Variants in USF2 observed in about 807,000 individuals in gnomAD.
USF2 encodes upstream stimulatory factor 2.
A neutral mutation model predicts 46.9 loss-of-function variants in USF2; 16 were observed. That is an observed-to-expected ratio of 0.34 (90% CI 0.23 to 0.52). USF2 has a LOEUF of 0.52. USF2 is among the 20% of genes least tolerant of loss of function. The probability of loss-of-function intolerance (pLI) is 0.96; values close to 1 mark genes in which losing one functional copy is unlikely to be tolerated. For missense variants in USF2, 411 were observed against 474.0 expected, an observed-to-expected ratio of 0.87 and a Z score of 1.23; for synonymous variants, 239 against 194.1, an observed-to-expected ratio of 1.23 and a Z score of -1.92.
intron 7 of USF2, among the ~76,000 whole-genome samples, chr19:35,276,372 T>C (rs1178560407): frequency 1.3e-5 from 2 of 152,190 alleles, no homozygotes; most frequent in Non-Finnish European, 2.9e-5. Context: ...TTCTGAATTT[T>C]AAGTTTCCTA....
At position 35,271,150 on chromosome 19, in the gene USF2, A is replaced by C. The variant is rs747821959; in HGVS notation, c.727+9A>C. ...AGCCCAGCACAACGAAGGTGAGGAC[A>C]AGGTGTGGCTCCGGGTCCCCCTGAC... On this transcript the variant is annotated intron_variant, in intron 7 of 9. Transcript: ENST00000222305. The C allele has an allele frequency of 1.9e-6, 3 of 1,613,808 alleles. No individual in the cohort carries two copies. Among genetic ancestry groups the C allele is most frequent in the Non-Finnish European group, 2.5e-6 (3 of 1,179,982 alleles).
At chr19:35,270,338 C>T (rs2145569245) in intron 4 of USF2, 109 bp from the exon 5 acceptor site, 1 of 1,446,146 alleles carries the variant, frequency 6.9e-7, no homozygotes, top group Non-Finnish European at 9.4e-7. Context: ...GAAGGAGTCC[C>T]CACTCCTGTT....
chr19:35,271,012 A>C, intron 6 of USF2, 71 bp from the exon 7 acceptor site: 1 of 1,584,448 alleles, frequency 6.3e-7, no homozygotes, highest in Non-Finnish European at 8.6e-7. Flanking sequence ...TTCAAATCTA[A>C]TACTTAGCAG....
intron 7 of USF2, chr19:35,275,361 T>C (rs1001293409): frequency 1.3e-5 from 2 of 152,032 alleles, no homozygotes; most frequent in Non-Finnish European, 2.9e-5. Context: ...CTACTCACTT[T>C]GGATTCAATT....
At chr19:35,278,890 G>A in intron 8 of USF2, 56 bp from the exon 9 acceptor site, 1 of 1,585,358 alleles carries the variant, frequency 6.3e-7, no homozygotes, top group Admixed American at 1.7e-5. Context: ...TCATCCCTGG[G>A]GTGGAGGCCG....
At position 35,270,724 on chromosome 19, in the gene USF2, T is replaced by A. The variant is rs746745001; in HGVS notation, c.587T>A (p.Phe196Tyr). 1.2e-6 allele frequency: 2 copies of A among 1,614,040 alleles called. No individual in the cohort carries two copies. The highest frequency in any genetic ancestry group is 1.7e-6 in the Non-Finnish European group (2 of 1,179,986). Residue 196 changes from phenylalanine (F) to tyrosine (Y), a missense_variant, in exon 6 of 10, where the codon TTC (phenylalanine) becomes TAC (tyrosine). Physicochemically the swap from Phe to Tyr is conservative, Grantham distance 22. Around this residue, in one of 2 missense-constraint regions of USF2, gnomAD observed 318 missense variants for 322.4 expected, o/e 0.99. Transcript: ENST00000222305. ...TDQSLQAGGQ[F>Y]YVMMTPQDVL... ...CCCCCCACTCTCCCTGCAGGCCAGT[T>A]CTACGTCATGATGACGCCCCAGGAT...
chr19:35,270,049 G>A (rs2066127108), intron 4 of USF2, 46 bp downstream of exon 4: 1 of 1,351,066 alleles, frequency 7.4e-7, no homozygotes, highest in Non-Finnish European at 9.5e-7. Context: ...GGAGTGGAGA[G>A]GGGACACTGG....
intron 7 of USF2, chr19:35,275,394 T>C (rs551304297): frequency 6.6e-6 from 1 of 151,244 alleles, no homozygotes. Flanking sequence ...TGCTTTAGCT[T>C]CCCTGGCACA....
intron 7 of USF2, among the ~76,000 whole-genome samples, chr19:35,274,695 A>G (rs1197841449): frequency 1.3e-5 from 2 of 152,218 alleles, no homozygotes; most frequent in East Asian, 1.9e-4. Context: ...AGTCCCAGCT[A>G]CTTGGGAACC....
At position 35,279,507 on chromosome 19, in the gene USF2, C is replaced by G. The variant is rs1043400711; in HGVS notation, c.*251C>G. 1.5e-5 allele frequency: 7 copies of G among 471,282 alleles called. No individual in the cohort carries two copies. Among genetic ancestry groups the G allele is most frequent in the Non-Finnish European group, 2.6e-5 (7 of 270,764 alleles). 29.2% of individuals were successfully genotyped at this position (471,282 alleles called of 1,614,324 possible). On this transcript the variant is annotated 3_prime_UTR_variant, in exon 10 of 10. Coordinates refer to ENST00000222305, the MANE Select transcript of USF2 (RefSeq NM_003367.4). ...CCTTCTCCCGGCCCTCACTAAGCCC[C>G]GGCACTTCTAGTGGTCTCACCTGGA...
At chr19:35,273,798 C>T (rs10421504) in intron 7 of USF2, among the ~76,000 whole-genome samples, 2 of 152,018 alleles carry the variant, frequency 1.3e-5, no homozygotes, top group Non-Finnish European at 2.9e-5. Context: ...TCAGGCAGTC[C>T]TCCGGCCTCG....
chr19:35,269,503 G>T lies in USF2; in HGVS notation c.109+11G>T. 1 of 1,544,036 alleles carries T rather than the reference G, an allele frequency of 6.5e-7. No individual in the cohort carries two copies. Among genetic ancestry groups the T allele is most frequent in the Non-Finnish European group, 8.7e-7 (1 of 1,150,392 alleles). Reference sequence around the variant, plus strand: ...TCGAGCTGCAGGAAGGTGAGTGCTTGCCGGGCCGGCCGCGCCCGGGGAGGG... The same window carrying T: ...TCGAGCTGCAGGAAGGTGAGTGCTTTCCGGGCCGGCCGCGCCCGGGGAGGG... On this transcript the variant is annotated intron_variant, in intron 2 of 9. Transcript: ENST00000222305.
rs1420980543 is a variant in USF2, at chr19:35,269,563, G to A, written c.110-18G>A. On this transcript the variant is annotated intron_variant, in intron 2 of 9. Transcript: ENST00000222305. ...CTCGGCGCGGCCCTGACCGTGCCCC[G>A]ACCCTCCTCGGCCCCAGGCGGGGAC... 1.3e-6 allele frequency: 2 copies of A among 1,569,650 alleles called. No individual in the cohort carries two copies. Among genetic ancestry groups the A allele is most frequent in the East Asian group, 4.7e-5 (2 of 42,704 alleles).
intron 7 of USF2, among the ~76,000 whole-genome samples, chr19:35,276,069 C>CTTTTTTT (rs752967792): frequency 2.7e-5 from 3 of 112,042 alleles, no homozygotes; most frequent in Admixed American, 1.1e-4. Context: ...TGAATTTTCT[C>CTTTTTTT]TTTTTTTTTT....
In USF2 at chr19:35,278,798, C is replaced by T. The variant is rs901265567; in HGVS notation, c.822+6C>T. ...ACAACAGCAAGACGGGAGCGGTGAG[C>T]ACCCCGGACCCTCAGTGTCTGCGGT... On this transcript the variant is annotated splice_donor_region_variant and intron_variant, in intron 8 of 9. Transcript: ENST00000222305. The T allele has an allele frequency of 2.5e-6, 4 of 1,613,804 alleles. No homozygotes were observed. In the African/African-American group the frequency reaches 5.3e-5, roughly 22 times the overall value.
chr19:35,274,819 T>A (rs2066209423), intron 7 of USF2, among the ~76,000 whole-genome samples: 1 of 152,132 alleles, frequency 6.6e-6, no homozygotes, highest in Non-Finnish European at 1.5e-5. Flanking sequence ...GGAAAGGTTG[T>A]GGGGGGCCCC....
chr19:35,270,663 C>G, intron 5 of USF2, 55 bp from the exon 6 acceptor site: 5 of 1,612,072 alleles, frequency 3.1e-6, no homozygotes, highest in Non-Finnish European at 4.2e-6. Flanking sequence ...GGAAGCCCCC[C>G]CAGCCAGTTC....
At chr19:35,269,520 CG>C (rs1423719422) in intron 2 of USF2, 28 bp downstream of exon 2, 1 of 1,542,408 alleles carries the variant, frequency 6.5e-7, no homozygotes. Flanking sequence ...CGGCCGCGCC[CG>C]GGGAGGGCTG....
chr19:35,270,164 C>G (rs1222304871), intron 4 of USF2, 161 bp downstream of exon 4: 3 of 997,538 alleles, frequency 3.0e-6, no homozygotes, highest in Non-Finnish European at 4.2e-6. Context: ...CACCGTGAAA[C>G]CTGGGGACAG....
Sources: gnomAD v4.1 joint callset for allele counts (sites outside exome capture counted in the v4.1 genomes callset) on GRCh38, gnomAD v4.1.1 for gene constraint, gnomAD v4.1.1 regional missense constraint, MANE v1.5 for transcripts, NCBI Gene and HGNC (gene_info 2026-07-23, HGNC 2026-07-21) for gene names.